Variants in MCAM observed in about 807,000 individuals in gnomAD.
The protein encoded by MCAM is cell surface glycoprotein MUC18.
A neutral mutation model predicts 79.1 loss-of-function variants in MCAM; 55 were observed. That is an observed-to-expected ratio of 0.70 (90% CI 0.56 to 0.87). The LOEUF (loss-of-function observed/expected upper bound fraction) is 0.87, where lower values mean the gene tolerates loss of function less well. Ranked by LOEUF, MCAM falls within the 40% of genes least tolerant of loss-of-function variation. The pLI, the probability that MCAM is intolerant of heterozygous loss-of-function variation, is 0.00. For missense variants in MCAM, 745 were observed against 839.8 expected (o/e 0.89, Z 1.40); for synonymous variants, 330 against 339.8 (o/e 0.97, Z 0.32).
rs1466054094 is a variant in MCAM at position 119,310,620 on chromosome 11, T to C, written c.1793+136A>G. On this transcript the variant is annotated intron_variant, in intron 14 of 15. Transcript: ENST00000264036. ...ATGAGACCATGTGGCTGATGGAAGC[T>C]GGGCAGTGGGTAGTGGAGCAGGCAG... 4 of 1,126,612 alleles carry C rather than the reference T, an allele frequency of 3.6e-6. No individual in the cohort carries two copies. In the Admixed American group the frequency reaches 5.5e-5, roughly 16 times the overall value. 69.8% of individuals were successfully genotyped at this position (1,126,612 alleles called of 1,614,324 possible). A position where few individuals can be genotyped will look rare whatever the true frequency, so the allele number is the denominator to read the frequency against.
Position 119,309,447 on chromosome 11 carries a change from AGGCGCCT to A in MCAM, c.*432_*438del, listed in dbSNP as rs1950193348. ...GTGAACAGCGCACTTCAACATGAGC[AGGCGCCT>A]GGCTCCGGTGTGTCCTCACTTCAGT... On this transcript the variant is annotated 3_prime_UTR_variant, in exon 16 of 16. Transcript: ENST00000264036. The A allele has an allele frequency of 5.1e-6, 1 of 196,080 alleles. No homozygotes were observed. Among genetic ancestry groups the A allele is most frequent in the Non-Finnish European group, 1.1e-5 (1 of 94,196 alleles). 12.1% of individuals were successfully genotyped at this position (196,080 alleles called of 1,614,324 possible).
At position 119,309,907 on chromosome 11, in the gene MCAM, T is replaced by C. The variant is rs750525236; in HGVS notation, c.1920A>G (p.Lys640=). 19 of 1,601,540 alleles carry C rather than the reference T, an allele frequency of 1.2e-5. No homozygotes were observed. Among genetic ancestry groups the C allele is most frequent in the East Asian group, 9.0e-5 (4 of 44,638 alleles). ...DKRAPGDQGE[K]YIDLRH ...GGGGCTAATGCCTCAGATCGATGTA[T>C]TTCTCTCCCTAAAAGTGGGTAGAGG... The change falls in exon 16 of 16, where the codon AAA becomes AAG. Residue 640 remains lysine, a synonymous_variant. Coordinates refer to ENST00000264036, the MANE Select transcript of MCAM (RefSeq NM_006500.3).
chr11:119,312,261 C>T lies in MCAM; in HGVS notation c.1024+5G>A. Reference sequence around the variant, plus strand: ...TCCCCCTGTCCTGGGTCCCCAGCCCCTCACAGTTCACCAGTAGTTCCTGTG... The same window carrying T: ...TCCCCCTGTCCTGGGTCCCCAGCCCTTCACAGTTCACCAGTAGTTCCTGTG... On this transcript the variant is annotated splice_donor_5th_base_variant and intron_variant, in intron 8 of 15. Coordinates refer to ENST00000264036, the MANE Select transcript of MCAM (RefSeq NM_006500.3). This position sits in a 1 kb window ranked among gnomAD's most constrained non-coding sequence, Gnocchi z 4.9. 1 of 1,614,026 alleles carries T rather than the reference C, an allele frequency of 6.2e-7. No individual in the cohort carries two copies. The highest frequency in any genetic ancestry group is 8.5e-7 in the Non-Finnish European group (1 of 1,179,938).
chr11:119,313,027 G>A (rs1195128208), intron 5 of MCAM, 78 bp from the exon 6 acceptor site: 1 of 1,602,390 alleles, frequency 6.2e-7, no homozygotes, highest in African/African-American at 1.3e-5. Context: ...CACTGGGGTT[G>A]GCAGGGGACC....
rs1290252839 is a variant in MCAM, at chr11:119,311,567, T to C, written c.1370A>G (p.His457Arg). 1.9e-6 allele frequency: 3 copies of C among 1,613,684 alleles called. No homozygotes were observed. The African/African-American group carries it at 4.0e-5, about 22-fold the overall frequency. The change falls in exon 11 of 16, where the codon CAC (histidine) becomes CGC (arginine). Residue 457 changes from histidine to arginine, a missense_variant. By Grantham distance (29) the His-to-Arg change is conservative. Coordinates refer to ENST00000264036, the MANE Select transcript of MCAM (RefSeq NM_006500.3). This position sits in a 1 kb window ranked among gnomAD's most constrained non-coding sequence, Gnocchi z 4.4. ...VLNLSCEASG[H>R]PRPTISWNVN... ...GTTCCAGGAGATGGTGGGCCGGGGG[T>C]GCCCTGACGCTTCACAAGACAGATT...
At position 119,311,619 on chromosome 11, in the gene MCAM, C is replaced by A. The variant is rs1950235432; in HGVS notation, c.1318G>T (p.Val440Leu). The A allele has an allele frequency of 6.2e-7, 1 of 1,614,174 alleles. No homozygotes were observed. Among genetic ancestry groups the A allele is most frequent in the Non-Finnish European group, 8.5e-7 (1 of 1,180,028 alleles). ...AACACCATATTCTCTTTCACCCACA[C>A]CTTCCTCTCCTTGAATGCCATCCAA... Reference protein sequence around the residue: ...PPWMAFKERKVWVKENMVLNL... With the variant: ...PPWMAFKERKLWVKENMVLNL... The change falls in exon 11 of 16, where the codon GTG becomes TTG. Residue 440 changes from valine to leucine, a missense_variant. Coordinates refer to ENST00000264036, the MANE Select transcript of MCAM (RefSeq NM_006500.3). This position sits in a 1 kb window ranked among gnomAD's most constrained non-coding sequence, Gnocchi z 4.4.
Position 119,310,760 on chromosome 11 carries a change from C to G in MCAM, c.1789G>C (p.Glu597Gln). The change falls in exon 14 of 16, where the codon GAG (glutamate) becomes CAG (glutamine). Residue 597 changes from glutamate to glutamine, a missense_variant. Glu to Gln is a conservative substitution (Grantham distance 29, BLOSUM62 2). Transcript: ENST00000264036. The stretch of plus-strand genomic sequence containing the variant: ...AGGGGCCGGTGTTGGGCTTACATCT[C>G]CTGCTTCCCTGAGCGCCTGCACGGC... The part of the protein sequence containing the change: ...KLPCRRSGKQ[E>Q]ITLPPSRKSE... The G allele has an allele frequency of 6.2e-7, 1 of 1,613,860 alleles. No individual in the cohort carries two copies. The highest frequency in any genetic ancestry group is 8.5e-7 in the Non-Finnish European group (1 of 1,179,966).
chr11:119,315,026 C>T lies in MCAM; in HGVS notation c.207G>A (p.Lys69=). ...HVDWFSVHKE[K]RTLIFRVRQG... is the part of the protein sequence containing the mutation. ...GGCGCACACGGAAGATGAGCGTCCG[C>T]TTCTCCTTGTGGACCTAATGGGAGG... The change falls in exon 3 of 16, where the codon AAG becomes AAA. Residue 69 remains lysine, a synonymous_variant. Transcript: ENST00000264036. The surrounding 1 kb of genome is among the most constrained non-coding windows in gnomAD (Gnocchi z 4.4). The T allele has an allele frequency of 1.2e-6, 2 of 1,608,548 alleles. No individual in the cohort carries two copies. Among genetic ancestry groups the T allele is most frequent in the Non-Finnish European group, 1.7e-6 (2 of 1,179,970 alleles).
Position 119,311,044 on chromosome 11 carries a change from A to G in MCAM, c.1645+46T>C, listed in dbSNP as rs780956978. Reference sequence around the variant, plus strand: ...GCTCTCTGGGGAGGGACAGGGCAGAAAGGATGCCCTGGCACAGCCCTGTTC... The same window carrying G: ...GCTCTCTGGGGAGGGACAGGGCAGAGAGGATGCCCTGGCACAGCCCTGTTC... On this transcript the variant is annotated intron_variant, in intron 13 of 15. Transcript: ENST00000264036. The surrounding 1 kb of genome is among the most constrained non-coding windows in gnomAD (Gnocchi z 4.4). The G allele has an allele frequency of 6.8e-6, 11 of 1,614,026 alleles. No individual in the cohort carries two copies. Among genetic ancestry groups the G allele is most frequent in the Non-Finnish European group, 9.3e-6 (11 of 1,180,016 alleles).
rs778696771 is a variant in MCAM at position 119,312,666 on chromosome 11, G to A, written c.740-18C>T. The stretch of plus-strand genomic sequence containing the variant: ...TGTCGGGTCTGCATAGGCAAAGGGG[G>A]TAGCTCTTGGCCCATGAGTCAACCC... On this transcript the variant is annotated intron_variant, in intron 6 of 15. Transcript: ENST00000264036. This position sits in a 1 kb window ranked among gnomAD's most constrained non-coding sequence, Gnocchi z 4.9. 2 of 1,614,170 alleles carry A rather than the reference G, an allele frequency of 1.2e-6. No homozygotes were observed. Among genetic ancestry groups the A allele is most frequent in the Admixed American group, 3.3e-5 (2 of 60,014 alleles).
rs770004833 is a variant in MCAM, at chr11:119,311,523, C to T, written c.1407+7G>A. The T allele has an allele frequency of 3.7e-5, 59 of 1,613,990 alleles. No homozygotes were observed. In the Middle Eastern group the frequency reaches 4.9e-4, roughly 13 times the overall value. ...AGGAGAGTGTGGCAGATGAGACACC[C>T]GCTCACCGTGCCGTTGACGTTCCAG... is the stretch of plus-strand genomic sequence containing the variant. On this transcript the variant is annotated splice_region_variant and intron_variant, in intron 11 of 15. Coordinates refer to ENST00000264036, the MANE Select transcript of MCAM (RefSeq NM_006500.3). The surrounding 1 kb of genome is among the most constrained non-coding windows in gnomAD (Gnocchi z 4.4).
chr11:119,309,803 C>T lies in MCAM; in HGVS notation c.*83G>A, dbSNP rs1950200130. ...GGGAGCAGGAGGCTTCTCTCTAGTC[C>T]CTTTGGAGGCTTTGGCTGAGAGAAG... On this transcript the variant is annotated 3_prime_UTR_variant, in exon 16 of 16. Transcript: ENST00000264036. 3.2e-5 allele frequency: 44 copies of T among 1,391,670 alleles called. No individual in the cohort carries two copies. The South Asian group carries it at 5.4e-4, about 17-fold the overall frequency. The allele number at this position is 1,391,670 out of a possible 1,614,324, so 86.2% of individuals were successfully genotyped here. A position where few individuals can be genotyped will look rare whatever the true frequency, so the allele number is the denominator to read the frequency against.
chr11:119,313,311 C>A, intron 5 of MCAM: 3 of 1,321,480 alleles, frequency 2.3e-6, no homozygotes, highest in Non-Finnish European at 3.0e-6. Context: ...AATAGACTGA[C>A]CCAGAAACAT....
chr11:119,311,125 G>T lies in MCAM; in HGVS notation c.1610C>A (p.Ala537Asp), dbSNP rs1284827237. Residue 537 changes from alanine to aspartate, a missense_variant, in exon 13 of 16, where the codon GCC (alanine) becomes GAC (aspartate). Ala to Asp is a moderately radical substitution (Grantham distance 126, BLOSUM62 -2). Transcript: ENST00000264036. This position sits in a 1 kb window ranked among gnomAD's most constrained non-coding sequence, Gnocchi z 4.4. ...GCTGTTGGCTCTGGTATGAGGACTG[G>T]CAGTGGAAGTGCTGAGGCCAGTGGT... ...NTTTGLSTST[A>D]SPHTRANSTS... 1.2e-6 allele frequency: 2 copies of T among 1,614,234 alleles called. No individual in the cohort carries two copies. The highest frequency in any genetic ancestry group is 1.7e-6 in the Non-Finnish European group (2 of 1,180,036).
chr11:119,312,531 T>G lies in MCAM; in HGVS notation c.857A>C (p.Lys286Thr), dbSNP rs1212058206. ...CCCAGCACAAAGCCCCCACACCTGC[T>G]TGCTGATGCTGAAGTGTGGTGGAGG... ...GNPPPHFSIS[K>T]QNPSTREAEE... Residue 286 changes from lysine to threonine, a missense_variant, in exon 7 of 16, where the codon AAG becomes ACG. Physicochemically the swap from Lys to Thr is moderately conservative, Grantham distance 78. Transcript: ENST00000264036. This position sits in a 1 kb window ranked among gnomAD's most constrained non-coding sequence, Gnocchi z 4.9. 1.2e-6 allele frequency: 2 copies of G among 1,614,142 alleles called. No individual in the cohort carries two copies.
Position 119,311,057 on chromosome 11 carries a change from C to T in MCAM, c.1645+33G>A. The T allele has an allele frequency of 6.2e-7, 1 of 1,614,194 alleles. No homozygotes were observed. The highest frequency in any genetic ancestry group is 1.1e-5 in the South Asian group (1 of 91,078). On this transcript the variant is annotated intron_variant, in intron 13 of 15. Coordinates refer to ENST00000264036, the MANE Select transcript of MCAM (RefSeq NM_006500.3). The surrounding 1 kb of genome is among the most constrained non-coding windows in gnomAD (Gnocchi z 4.4). ...GGACAGGGCAGAAAGGATGCCCTGG[C>T]ACAGCCCTGTTCTCTTGCCAGGCCT... is the stretch of plus-strand genomic sequence containing the variant.
At position 119,317,065 on chromosome 11, in the gene MCAM, C is replaced by T; in HGVS notation, c.37G>A (p.Ala13Thr). The change falls in exon 1 of 16, where the codon GCC (alanine) becomes ACC (threonine). Residue 13 changes from alanine to threonine, a missense_variant. Transcript: ENST00000264036. This position sits in a 1 kb window ranked among gnomAD's most constrained non-coding sequence, Gnocchi z 6.2. ...ACGCGAGGACAGCAGCAGCAGGCGG[C>T]GAGCAAGAAGGCGCAGACCAGCCTG... ...LPRLVCAFLL[A>T]ACCCCPRVAG... 1.3e-6 allele frequency: 2 copies of T among 1,534,848 alleles called. No individual in the cohort carries two copies. The highest frequency in any genetic ancestry group is 8.7e-7 in the Non-Finnish European group (1 of 1,144,430).
chr11:119,313,216 C>G, intron 5 of MCAM: 1 of 1,438,930 alleles, frequency 6.9e-7, no homozygotes, highest in Non-Finnish European at 9.2e-7. Flanking sequence ...GTCTAGATGT[C>G]CACTAAATGG....
rs1028548459 is a variant in MCAM, at chr11:119,316,893, C to T, written c.67+142G>A. 2 of 647,042 alleles carry T rather than the reference C, an allele frequency of 3.1e-6. No homozygotes were observed. Among genetic ancestry groups the T allele is most frequent in the Admixed American group, 3.4e-5 (1 of 29,532 alleles). The allele number at this position is 647,042 out of a possible 1,614,324, so 40.1% of individuals were successfully genotyped here. A position where few individuals can be genotyped will look rare whatever the true frequency, so the allele number is the denominator to read the frequency against. ...AAAGAAGAGTTGCTCGCGCGCAAGGCGCCCGGGGATCGGGGACCCAGGGAG... is the reference window on the plus strand; with the variant it reads ...AAAGAAGAGTTGCTCGCGCGCAAGGTGCCCGGGGATCGGGGACCCAGGGAG... On this transcript the variant is annotated intron_variant, in intron 1 of 15. Transcript: ENST00000264036. The surrounding 1 kb of genome is among the most constrained non-coding windows in gnomAD (Gnocchi z 4.8).
Sources: gnomAD v4.1 joint callset for allele counts on GRCh38, gnomAD v4.1.1 for gene constraint, Gnocchi (gnomAD v3.1) non-coding constraint, MANE v1.5 for transcripts, NCBI Gene and HGNC (gene_info 2026-07-23, HGNC 2026-07-21) for gene names.